FHOD3: variants seen among roughly 807,000 people sequenced by gnomAD.
The protein encoded by FHOD3 is FH1/FH2 domain-containing protein 3.
In FHOD3, 90 loss-of-function variants were observed where a neutral mutation model predicts 173.0. That is an observed-to-expected ratio of 0.52 (90% CI 0.44 to 0.62). The LOEUF is 0.62. FHOD3 is among the 20% of genes least tolerant of loss of function. FHOD3 has a pLI of 0.00. For synonymous variants in FHOD3, 828 were observed against 823.0 expected (o/e 1.01, Z -0.10); for missense variants, 1,945 against 2,034.7 (o/e 0.96, Z 0.85).
chr18:36,583,643 C>A (rs1376118537), intron 6 of FHOD3, among the ~76,000 whole-genome samples: 1 of 152,106 alleles, frequency 6.6e-6, no homozygotes, highest in Non-Finnish European at 1.5e-5. Context: ...TTCTTAGGTC[C>A]CAGCCCTGCC....
intron 5 of FHOD3, among the ~76,000 whole-genome samples, chr18:36,554,239 A>G (rs2057780710): frequency 6.6e-6 from 1 of 152,182 alleles, no homozygotes; most frequent in Non-Finnish European, 1.5e-5. Flanking sequence ...AACCAACCCA[A>G]ATGTCCATCA....
chr18:36,625,861 T>C, intron 10 of FHOD3, 112 bp downstream of exon 10: 1 of 869,712 alleles, frequency 1.1e-6, no homozygotes, highest in Non-Finnish European at 1.7e-6. Flanking sequence ...CCACCCAGCA[T>C]TGCTCCCTAC....
intron 3 of FHOD3, among the ~76,000 whole-genome samples, chr18:36,380,652 C>G (rs1467198181): frequency 7.9e-6 from 1 of 126,698 alleles, no homozygotes; most frequent in African/African-American, 2.9e-5. Context: ...CTCTGTATCT[C>G]TTTCTTTCTT....
Position 36,709,097 on chromosome 18 carries a change from A to G in FHOD3, c.2239A>G (p.Ser747Gly). The G allele has an allele frequency of 1.2e-6, 2 of 1,611,678 alleles. No homozygotes were observed. Among genetic ancestry groups the G allele is most frequent in the Non-Finnish European group, 8.5e-7 (1 of 1,178,016 alleles). ...ATCTCCATTGTTGTCTCCACCAGCA[A>G]GTGCCGGGGATCCTGAACCCGAATC... ...SPGTPHHPQA[S>G]AGDPEPESEA... is the part of the protein sequence containing the mutation. The change falls in exon 18 of 29, where the codon AGT becomes GGT. Residue 747 changes from serine to glycine, a missense_variant and splice_region_variant. Physicochemically the swap from Ser to Gly is moderately conservative, Grantham distance 56 (BLOSUM62 0). This residue lies in a region of FHOD3 where 1,099 missense variants were observed against 1,051.2 expected (regional missense o/e 1.05). Transcript: ENST00000590592.
rs751831068 is a variant in FHOD3, at chr18:36,625,619, G to A, written c.1066G>A (p.Gly356Ser). ...TTCCAGTGGCGGAGGCGAGCACCGG[G>A]GCCTGGACCGCAGAAGGAGCCGCAG... ...VCSSGGGEHR[G>S]LDRRRSRRHS... is the part of the protein sequence containing the mutation. The change falls in exon 10 of 29, where the codon GGC becomes AGC. Residue 356 changes from glycine to serine, a missense_variant. Gly to Ser is a moderately conservative substitution (Grantham distance 56). Around this residue, in one of 5 missense-constraint regions of FHOD3, gnomAD observed 1,099 missense variants for 1,051.2 expected, o/e 1.05. Coordinates refer to ENST00000590592, the MANE Select transcript of FHOD3 (RefSeq NM_001281740.3). The A allele has an allele frequency of 5.4e-5, 87 of 1,602,058 alleles. No homozygotes were observed. Among genetic ancestry groups the A allele is most frequent in the Non-Finnish European group, 6.8e-5 (80 of 1,172,866 alleles).
At chr18:36,618,749 C>A (rs915799732) in intron 9 of FHOD3, among the ~76,000 whole-genome samples, 4 of 152,198 alleles carry the variant, frequency 2.6e-5, no homozygotes, top group African/African-American at 9.7e-5. Context: ...GCCACCTCCC[C>A]TTCCTCTTCC....
intron 3 of FHOD3, among the ~76,000 whole-genome samples, chr18:36,437,025 G>A (rs2050842745): frequency 6.6e-6 from 1 of 152,140 alleles, no homozygotes; most frequent in African/African-American, 2.4e-5. Context: ...AAGTTAACAA[G>A]CAAAAGGTAA....
chr18:36,389,405 G>T (rs1306476443), intron 3 of FHOD3, among the ~76,000 whole-genome samples: 1 of 152,172 alleles, frequency 6.6e-6, no homozygotes, highest in Non-Finnish European at 1.5e-5. Context: ...AATGCACAGG[G>T]TTCTTCTGCA....
intron 3 of FHOD3, among the ~76,000 whole-genome samples, chr18:36,490,984 C>A (rs1045151963): frequency 3.9e-5 from 6 of 152,194 alleles, no homozygotes; most frequent in African/African-American, 1.4e-4. Flanking sequence ...CATACACTTG[C>A]CCATCAGCAT....
Position 36,584,448 on chromosome 18 carries a change from C to T in FHOD3, c.606+7903C>T, listed in dbSNP as rs765635775. 2.8e-4 allele frequency among the ~76,000 whole-genome samples: 42 copies of T among 152,260 alleles called. No individual in the cohort carries two copies. The Middle Eastern group carries it at 0.014, about 49-fold the overall frequency. ...CTGCAATAGCATGAGATGTACTCAG[C>T]CAGCAAATTCTATATGGTCCAGGCA... On this transcript the variant is annotated intron_variant, in intron 6 of 28. Coordinates refer to ENST00000590592, the MANE Select transcript of FHOD3 (RefSeq NM_001281740.3).
chr18:36,438,251 C>T (rs2050927070), intron 3 of FHOD3, among the ~76,000 whole-genome samples: 1 of 152,200 alleles, frequency 6.6e-6, no homozygotes, highest in Non-Finnish European at 1.5e-5. Flanking sequence ...CAGCAGGCCC[C>T]TCAGCTCTCT....
At chr18:36,314,173 C>A (rs1695718803) in intron 1 of FHOD3, among the ~76,000 whole-genome samples, 1 of 152,188 alleles carries the variant, frequency 6.6e-6, no homozygotes, top group Admixed American at 6.5e-5. Flanking sequence ...CCTCCCAAAG[C>A]CCTGTTATGG....
intron 19 of FHOD3, among the ~76,000 whole-genome samples, chr18:36,720,439 T>C (rs947614760): frequency 2.0e-5 from 3 of 151,952 alleles, no homozygotes; most frequent in Non-Finnish European, 4.4e-5. Context: ...GGTTTCACCA[T>C]GTTGGCCAGG....
At chr18:36,546,294 C>A (rs1297513392) in intron 5 of FHOD3, among the ~76,000 whole-genome samples, 3 of 152,140 alleles carry the variant, frequency 2.0e-5, no homozygotes, top group Non-Finnish European at 4.4e-5. Flanking sequence ...GGCACCTTGG[C>A]CTTTTTTATT....
chr18:36,582,627 C>A (rs1033575435), intron 6 of FHOD3, among the ~76,000 whole-genome samples: 3 of 152,202 alleles, frequency 2.0e-5, no homozygotes, highest in African/African-American at 7.2e-5. Context: ...ACCATGTGAA[C>A]CCTGTCCAAG....
chr18:36,730,499 G>A (rs2041301023), intron 19 of FHOD3, 147 bp from the exon 20 acceptor site: 5 of 719,756 alleles, frequency 6.9e-6, no homozygotes, highest in Admixed American at 3.1e-5. Flanking sequence ...GATACTTTCT[G>A]TGCTGAACAG....
At chr18:36,754,406 T>C (rs1051957292) in intron 24 of FHOD3, among the ~76,000 whole-genome samples, 4 of 152,176 alleles carry the variant, frequency 2.6e-5, no homozygotes, top group Non-Finnish European at 5.9e-5. Context: ...AAAATTTGGG[T>C]ACTTATCTGC....
chr18:36,765,286 G>C (rs898668445), intron 27 of FHOD3, among the ~76,000 whole-genome samples: 15 of 152,116 alleles, frequency 9.9e-5, no homozygotes, highest in Non-Finnish European at 1.6e-4. Flanking sequence ...GTGGGAAGTG[G>C]ACTGATTGTT....
intron 18 of FHOD3, among the ~76,000 whole-genome samples, chr18:36,715,185 C>A (rs980501832): frequency 6.6e-6 from 1 of 152,214 alleles, no homozygotes; most frequent in Admixed American, 6.5e-5. Flanking sequence ...ATAATCCCCA[C>A]AGGTCATGGG....
Sources: gnomAD v4.1 joint callset for allele counts (sites outside exome capture counted in the v4.1 genomes callset) on GRCh38, gnomAD v4.1.1 for gene constraint, gnomAD v4.1.1 regional missense constraint, MANE v1.5 for transcripts, NCBI Gene and HGNC (gene_info 2026-07-23, HGNC 2026-07-21) for gene names.